The following STRIP1 variants were observed in gnomAD, a reference collection of about 807,000 sequenced individuals.
STRIP1 encodes striatin interacting protein 1.
Under a neutral mutation model 106.2 loss-of-function variants are expected in STRIP1, and 63 were observed. The observed-to-expected ratio is 0.59, with a 90% CI of 0.48 to 0.73. The LOEUF (loss-of-function observed/expected upper bound fraction) is 0.73, where lower values mean the gene tolerates loss of function less well. Among genes scored for constraint, STRIP1 ranks in the 30% least tolerant of loss-of-function variants. The probability of loss-of-function intolerance (pLI) is 0.00; values close to 1 mark genes in which losing one functional copy is unlikely to be tolerated. For synonymous variants in STRIP1, 390 were observed against 413.0 expected (o/e 0.94, Z 0.67); for missense variants, 857 against 1,074.8 (o/e 0.80, Z 2.83).
rs1170460685 is a variant in STRIP1 at position 110,049,345 on chromosome 1, G to A, written c.1788+107G>A. 5 of 1,573,884 alleles carry A rather than the reference G, an allele frequency of 3.2e-6. No individual in the cohort carries two copies. In the Admixed American group the frequency reaches 5.2e-5, roughly 16 times the overall value. On this transcript the variant is annotated intron_variant, in intron 16 of 20. Transcript: ENST00000369795. ...TTGGCCTTTGACCCACTTGAACTCT[G>A]CATGAATGTTCTAAGACATGGCCCT...
In STRIP1 at chr1:110,053,727, C is replaced by T; in HGVS notation, c.2329C>T (p.Arg777Cys). 4 of 1,614,112 alleles carry T rather than the reference C, an allele frequency of 2.5e-6. No homozygotes were observed. The highest frequency in any genetic ancestry group is 2.5e-6 in the Non-Finnish European group (3 of 1,180,022). Reference sequence around the variant, plus strand: ...GTGTGCCCTTCGTGCCAACATTGAACGCTTCAACGCCCGGCGCTATGACCG... The same window carrying T: ...GTGTGCCCTTCGTGCCAACATTGAATGCTTCAACGCCCGGCGCTATGACCG... ...EECALRANIE[R>C]FNARRYDRAH... Residue 777 changes from arginine to cysteine, a missense_variant, in exon 21 of 21, where the codon CGC (arginine) becomes TGC (cysteine). Coordinates refer to ENST00000369795, the MANE Select transcript of STRIP1 (RefSeq NM_033088.4).
In STRIP1 at chr1:110,039,456, TCTC is replaced by T. The variant is rs1373762514; in HGVS notation, c.528_530del (p.Leu177del). ...AGTCCTGGATGCGCTACAACATCTTTCTCCTCCTGGAGGTGGGCACGTTCAATG... is the reference window on the plus strand; with the variant it reads ...AGTCCTGGATGCGCTACAACATCTTTCTCCTGGAGGTGGGCACGTTCAATG... On this transcript the variant is annotated inframe_deletion, in exon 5 of 21. Coordinates refer to ENST00000369795, the MANE Select transcript of STRIP1 (RefSeq NM_033088.4). The T allele has an allele frequency of 6.2e-7, 1 of 1,613,264 alleles. No individual in the cohort carries two copies. The highest frequency in any genetic ancestry group is 1.1e-5 in the South Asian group (1 of 90,840).
chr1:110,033,661 C>T (rs571261910), upstream of STRIP1, among the ~76,000 whole-genome samples: 2 of 152,256 alleles, frequency 1.3e-5, no homozygotes, highest in South Asian at 2.1e-4. Context: ...CCTACCCTGA[C>T]GATTTTATCT....
chr1:110,034,583 G>T (rs1238051161), upstream of STRIP1: 3 of 1,458,840 alleles, frequency 2.1e-6, no homozygotes, highest in African/African-American at 1.5e-5. Context: ...AATCACGCGA[G>T]AGTTGCATCA....
chr1:110,043,347 G>T, intron 9 of STRIP1, 77 bp downstream of exon 9: 1 of 1,425,898 alleles, frequency 7.0e-7, no homozygotes, highest in Non-Finnish European at 9.6e-7. Context: ...CCTTGGAGGA[G>T]CAGGGCTGCT....
chr1:110,054,606 G>A lies in STRIP1; in HGVS notation c.*694G>A, dbSNP rs1417388881. 2 of 152,604 alleles carry A rather than the reference G, an allele frequency of 1.3e-5. No individual in the cohort carries two copies. The highest frequency in any genetic ancestry group is 4.8e-5 in the African/African-American group (2 of 41,436). The allele number at this position is 152,604 out of a possible 1,614,324, so 9.5% of individuals were successfully genotyped here. On this transcript the variant is annotated 3_prime_UTR_variant, in exon 21 of 21. Coordinates refer to ENST00000369795, the MANE Select transcript of STRIP1 (RefSeq NM_033088.4). ...TCATGTTGGGGTTTTTAATGTGATT[G>A]TGTATTCTGTTTACATTAAAAAGAA...
intron 15 of STRIP1, among the ~76,000 whole-genome samples, 182 bp from the exon 16 acceptor site, chr1:110,048,930 C>G (rs113515527): frequency 0.018 from 2,754 of 152,198 alleles, 68 homozygotes; most frequent in African/African-American, 0.054. Context: ...ATAAATTGTG[C>G]GAGGCTACAT....
chr1:110,038,618 C>A, intron 2 of STRIP1, 65 bp from the exon 3 acceptor site: 1 of 1,371,084 alleles, frequency 7.3e-7, no homozygotes, highest in Non-Finnish European at 1.0e-6. Context: ...GCCTTCTCTG[C>A]ACTTGTGAGA....
chr1:110,047,269 A>G (rs1292301282), intron 13 of STRIP1, among the ~76,000 whole-genome samples: 2 of 152,228 alleles, frequency 1.3e-5, no homozygotes, highest in African/African-American at 4.8e-5. Context: ...ATGGATGGCA[A>G]CTTAGGCAAG....
intron 6 of STRIP1, chr1:110,041,302 C>G: frequency 2.5e-6 from 1 of 404,996 alleles, no homozygotes; most frequent in Non-Finnish European, 4.5e-6. Context: ...TGTTTTTGTT[C>G]TCACTGTGAC....
intron 15 of STRIP1, 143 bp from the exon 16 acceptor site, chr1:110,048,969 G>A (rs566314971): frequency 4.5e-6 from 4 of 896,774 alleles, no homozygotes; most frequent in Admixed American, 2.5e-5. Flanking sequence ...GGGAGCCCTC[G>A]GCTGACTTCT....
At position 110,049,496 on chromosome 1, in the gene STRIP1, T is replaced by C. The variant is rs1462878120; in HGVS notation, c.1825T>C (p.Cys609Arg). ...YMAQHLVFAN[C>R]IPLILKFFNQ... ...GGCCCAGCACCTGGTGTTTGCCAAC[T>C]GCATTCCTTTGATCCTAAAGTTCTT... Residue 609 changes from cysteine (C) to arginine (R), a missense_variant, in exon 17 of 21, where the codon TGC becomes CGC. Physicochemically the swap from Cys to Arg is radical, Grantham distance 180. Transcript: ENST00000369795. 1.2e-6 allele frequency: 2 copies of C among 1,611,632 alleles called. No homozygotes were observed. The highest frequency in any genetic ancestry group is 1.7e-5 in the Admixed American group (1 of 59,844).
At chr1:110,051,381 C>T (rs534972215) in intron 19 of STRIP1, among the ~76,000 whole-genome samples, 1 of 152,238 alleles carries the variant, frequency 6.6e-6, no homozygotes, top group South Asian at 2.1e-4. Flanking sequence ...GTGGGGAGGT[C>T]CTTGAATCCT....
At chr1:110,039,811 T>C (rs2101768817) in intron 5 of STRIP1, 1 of 1,336,482 alleles carries the variant, frequency 7.5e-7, no homozygotes, top group Admixed American at 2.2e-5. Context: ...TGAGCTCTCT[T>C]TTGAACCTGC....
At chr1:110,033,972 C>T (rs1476307530), upstream of STRIP1, among the ~76,000 whole-genome samples, 5 of 152,214 alleles carry the variant, frequency 3.3e-5, no homozygotes, top group East Asian at 9.6e-4. Context: ...AGTCTAATTC[C>T]TCTTCTTCAC....
rs1653037138 is a variant in STRIP1 at position 110,046,696 on chromosome 1, T to C, written c.1433T>C (p.Ile478Thr). ...KTLKQHKYTSIAEVQAQMEEE... is the reference protein window; with the variant it reads ...KTLKQHKYTSTAEVQAQMEEE... Reference sequence around the variant, plus strand: ...TCCCACCAGCACAAGTACACGTCGATTGCAGAGGTCCAGGCACAGATGGAG... The same window carrying C: ...TCCCACCAGCACAAGTACACGTCGACTGCAGAGGTCCAGGCACAGATGGAG... Residue 478 changes from isoleucine to threonine, a missense_variant, in exon 13 of 21, where the codon ATT (isoleucine) becomes ACT (threonine). Around this residue, in one of 2 missense-constraint regions of STRIP1, gnomAD observed 750 missense variants for 989.8 expected, o/e 0.76. Coordinates refer to ENST00000369795, the MANE Select transcript of STRIP1 (RefSeq NM_033088.4). 5.6e-6 allele frequency: 9 copies of C among 1,613,444 alleles called. No individual in the cohort carries two copies. The highest frequency in any genetic ancestry group is 1.1e-5 in the South Asian group (1 of 91,074).
chr1:110,040,590 TCTTC>T (rs1652711926), intron 5 of STRIP1, 41 bp from the exon 6 acceptor site: 1 of 1,572,066 alleles, frequency 6.4e-7, no homozygotes, highest in Non-Finnish European at 8.6e-7. Context: ...ACATCACTTA[TCTTC>T]CTTCTTGGAG....
intron 1 of STRIP1, among the ~76,000 whole-genome samples, chr1:110,036,426 C>G (rs1416735321): frequency 6.6e-6 from 1 of 152,120 alleles, no homozygotes; most frequent in African/African-American, 2.4e-5. Flanking sequence ...TGCACTCCAG[C>G]CTGGGTGACA....
In STRIP1 at chr1:110,041,747, C is replaced by A; in HGVS notation, c.771C>A (p.Tyr257Ter). The A allele has an allele frequency of 6.2e-7, 1 of 1,614,176 alleles. No homozygotes were observed. The highest frequency in any genetic ancestry group is 8.5e-7 in the Non-Finnish European group (1 of 1,180,030). Residue 257 changes from tyrosine to a stop codon, truncating the protein, a stop_gained, in exon 8 of 21, where the codon TAC becomes TAA. Coordinates refer to ENST00000369795, the MANE Select transcript of STRIP1 (RefSeq NM_033088.4). LOFTEE classifies it high-confidence loss of function. ...TGTCACCTCCAGGCTCCCCGCTGTA[C>A]AACAATGAGCCATTTGCCATCATGC... ...TFRAELGSPL[Y>*]NNEPFAIMLF...
Sources: gnomAD v4.1 joint callset for allele counts (sites outside exome capture counted in the v4.1 genomes callset) on GRCh38, gnomAD v4.1.1 for gene constraint, gnomAD v4.1.1 regional missense constraint, MANE v1.5 for transcripts, NCBI Gene and HGNC (gene_info 2026-07-23, HGNC 2026-07-21) for gene names.